CHRM5: variants seen among roughly 807,000 people sequenced by gnomAD.
The protein encoded by CHRM5 is muscarinic acetylcholine receptor M5.
In CHRM5, 18 loss-of-function variants were observed where a neutral mutation model predicts 39.0. That is an observed-to-expected ratio of 0.46 (90% confidence interval 0.32 to 0.68). The LOEUF (loss-of-function observed/expected upper bound fraction) is 0.68, where lower values mean the gene tolerates loss of function less well. CHRM5 is among the 30% of genes least tolerant of loss of function. The pLI is 0.04. For missense variants in CHRM5, 515 were observed against 651.1 expected (o/e 0.79, Z 2.28); for synonymous variants, 241 against 246.3 (o/e 0.98, Z 0.20).
chr15:33,977,687 TC>T (rs1895944579), intron 1 of CHRM5, among the ~76,000 whole-genome samples: 1 of 152,162 alleles, frequency 6.6e-6, no homozygotes, highest in African/African-American at 2.4e-5. Flanking sequence ...AAGTGAAGAA[TC>T]AAACGTTCTC....
At chr15:33,982,590 AT>A (rs1405118650) in intron 1 of CHRM5, among the ~76,000 whole-genome samples, 3 of 152,024 alleles carry the variant, frequency 2.0e-5, no homozygotes, top group Admixed American at 6.5e-5. Flanking sequence ...AGATTTTACA[AT>A]TTTTTTTAAA....
intron 1 of CHRM5, among the ~76,000 whole-genome samples, chr15:33,973,975 T>G (rs1895760340): frequency 6.6e-6 from 1 of 152,220 alleles, no homozygotes; most frequent in African/African-American, 2.4e-5. Context: ...AAAAGTCTAA[T>G]GAAGGAGTCT....
chr15:34,028,867 TGAAA>T (rs1311479629), intron 1 of CHRM5, among the ~76,000 whole-genome samples: 1 of 150,082 alleles, frequency 6.7e-6, no homozygotes, highest in Non-Finnish European at 1.5e-5. Context: ...TACCTTCACC[TGAAA>T]GAAAGAGGAA....
intron 1 of CHRM5, chr15:33,972,365 T>C (rs1026094180): frequency 6.6e-6 from 1 of 152,080 alleles, no homozygotes; most frequent in African/African-American, 2.4e-5. Context: ...AGACGGTGTC[T>C]CTGAATGAGA....
chr15:34,039,218 G>T, intron 1 of CHRM5: 1 of 477,634 alleles, frequency 2.1e-6, no homozygotes, highest in Non-Finnish European at 2.8e-6. Context: ...GCGGGGCGGG[G>T]CGGGGCGGCC....
rs1274165710 is a variant in CHRM5, at chr15:34,063,704, T to C, written c.987T>C (p.Gly329=). 1 of 1,614,006 alleles carries C rather than the reference T, an allele frequency of 6.2e-7. No individual in the cohort carries two copies. Among genetic ancestry groups the C allele is most frequent in the Admixed American group, 1.7e-5 (1 of 60,002 alleles). The change falls in exon 3 of 3, where the codon GGT becomes GGC. Residue 329 remains glycine (G), a synonymous_variant. Transcript: ENST00000383263. This position sits in a 1 kb window ranked among gnomAD's most constrained non-coding sequence, Gnocchi z 4.1. ...PVLQVVYKSQ[G]KESPGEEFSA... ...TCCAAGTGGTCTACAAGAGTCAGGGTAAGGAAAGCCCAGGGGAAGAATTCA... is the reference window on the plus strand; with the variant it reads ...TCCAAGTGGTCTACAAGAGTCAGGGCAAGGAAAGCCCAGGGGAAGAATTCA...
At chr15:33,999,380 A>G (rs1406015324) in intron 1 of CHRM5, among the ~76,000 whole-genome samples, 1 of 152,088 alleles carries the variant, frequency 6.6e-6, no homozygotes, top group Non-Finnish European at 1.5e-5. Context: ...CTCTACACAT[A>G]CCTTTGTAAA....
chr15:34,055,188 G>A (rs150296613), intron 2 of CHRM5, among the ~76,000 whole-genome samples: 3,169 of 145,836 alleles, frequency 0.022, 88 homozygotes, highest in African/African-American at 0.054. Flanking sequence ...GTGAAACTCC[G>A]TCTCAAAAAA....
chr15:33,969,998 T>A (rs796160546), intron 1 of CHRM5, among the ~76,000 whole-genome samples: 1 of 152,008 alleles, frequency 6.6e-6, no homozygotes, highest in South Asian at 2.1e-4. Flanking sequence ...CCCAACCACA[T>A]TGGTTTTCAT....
intron 1 of CHRM5, among the ~76,000 whole-genome samples, chr15:34,045,692 A>G (rs1899655875): frequency 6.6e-6 from 1 of 151,608 alleles, no homozygotes; most frequent in Non-Finnish European, 1.5e-5. Flanking sequence ...TCAGGCATAA[A>G]GCTTCTCATA....
chr15:34,026,400 A>T (rs1567475297), intron 1 of CHRM5, among the ~76,000 whole-genome samples: 1 of 152,138 alleles, frequency 6.6e-6, no homozygotes, highest in Non-Finnish European at 1.5e-5. Flanking sequence ...AACCTTTTAT[A>T]TTAAAGGGGA....
intron 1 of CHRM5, among the ~76,000 whole-genome samples, chr15:34,029,026 T>C (rs887388860): frequency 4.6e-5 from 7 of 152,190 alleles, no homozygotes; most frequent in African/African-American, 1.7e-4. Context: ...TTACTATTTG[T>C]CCACAACTCT....
chr15:33,990,607 T>C (rs1017282812), intron 1 of CHRM5: 2 of 152,240 alleles, frequency 1.3e-5, no homozygotes, highest in Admixed American at 6.5e-5. Context: ...CAGTCCTTCA[T>C]GTGAACTTGA....
chr15:33,980,597 T>C (rs1896094037), intron 1 of CHRM5, among the ~76,000 whole-genome samples: 1 of 141,510 alleles, frequency 7.1e-6, no homozygotes, highest in African/African-American at 2.5e-5. Flanking sequence ...TATTAAAGCC[T>C]TGGGCACTAC....
chr15:34,037,142 A>T (rs1215920247), intron 1 of CHRM5, among the ~76,000 whole-genome samples: 2 of 151,796 alleles, frequency 1.3e-5, no homozygotes, highest in Admixed American at 6.6e-5. Context: ...CCATCATTTC[A>T]CCCAATTTAA....
intron 1 of CHRM5, among the ~76,000 whole-genome samples, chr15:34,005,031 G>A (rs774661412): frequency 1.3e-5 from 2 of 151,950 alleles, no homozygotes; most frequent in Admixed American, 1.3e-4. Context: ...GAGAAAATTA[G>A]GAGGAAAAGA....
intron 1 of CHRM5, among the ~76,000 whole-genome samples, chr15:34,005,485 C>CA (rs1425817604): frequency 2.6e-5 from 4 of 152,116 alleles, no homozygotes; most frequent in Non-Finnish European, 5.9e-5. Flanking sequence ...TGTAAGTGCT[C>CA]AATGGAGTCA....
chr15:34,008,948 G>GCACA (rs1459998096), intron 1 of CHRM5, among the ~76,000 whole-genome samples: 1 of 17,926 alleles, frequency 5.6e-5, no homozygotes, highest in African/African-American at 7.3e-5. Flanking sequence ...TCACACGTGC[G>GCACA]CGCGCGCACA....
At chr15:34,025,281 C>T (rs1567474654) in intron 1 of CHRM5, among the ~76,000 whole-genome samples, 1 of 152,082 alleles carries the variant, frequency 6.6e-6, no homozygotes, top group Non-Finnish European at 1.5e-5. Context: ...ACTATAGAAA[C>T]CAACTCTGGC....
Sources: allele counts gnomAD v4.1 joint callset (sites outside exome capture counted in the v4.1 genomes callset), GRCh38; gene constraint gnomAD v4.1.1; non-coding constraint Gnocchi (gnomAD v3.1); transcripts MANE v1.5; gene names NCBI Gene and HGNC (gene_info 2026-07-23, HGNC 2026-07-21).